The following IKZF3 variants were observed in gnomAD, a reference collection of about 807,000 sequenced individuals.
The protein encoded by IKZF3 is zinc finger protein Aiolos.
A neutral mutation model predicts 49.0 loss-of-function variants in IKZF3; 10 were observed. The observed-to-expected ratio is 0.20, with a 90% CI of 0.13 to 0.35. IKZF3 has a LOEUF of 0.35. Ranked by LOEUF, IKZF3 falls within the 10% of genes least tolerant of loss-of-function variation. The pLI is 1.00. For missense variants in IKZF3, 498 were observed against 664.8 expected, an observed-to-expected ratio of 0.75 and a Z score of 2.76; for synonymous variants, 209 against 228.2, an observed-to-expected ratio of 0.92 and a Z score of 0.76.
intron 7 of IKZF3, among the ~76,000 whole-genome samples, chr17:39,774,380 G>C (rs150905994): frequency 9.2e-4 from 140 of 152,186 alleles, no homozygotes; most frequent in Middle Eastern, 6.8e-3. Flanking sequence ...GAAGGGAGGA[G>C]AGGAGGGAAG....
chr17:39,811,255 AGGGAG>A (rs2144099454), intron 3 of IKZF3, among the ~76,000 whole-genome samples: 5 of 133,062 alleles, frequency 3.8e-5, no homozygotes, highest in African/African-American at 1.3e-4. Flanking sequence ...AAAGAAAGAG[AGGGAG>A]AGAAAGAAAA....
chr17:39,806,944 T>A (rs539242602), intron 3 of IKZF3, among the ~76,000 whole-genome samples: 10 of 152,190 alleles, frequency 6.6e-5, no homozygotes, highest in Non-Finnish European at 1.2e-4. Flanking sequence ...CAACCTCCAG[T>A]GAAGAAACGA....
intron 1 of IKZF3, 151 bp downstream of exon 1, chr17:39,863,969 A>T: frequency 1.9e-6 from 2 of 1,026,080 alleles, no homozygotes; most frequent in Non-Finnish European, 1.5e-6. Context: ...AAGAGAACCG[A>T]CGCGCTTTGT....
Position 39,829,472 on chromosome 17 carries a change from C to A in IKZF3, c.78G>T (p.Leu26Phe). ...GAGATTTGGTTAAACTGTAGTCATT[C>A]AAAACCGCTGCACTTTCTAAAAGAT... is the stretch of plus-strand genomic sequence containing the variant. The part of the protein sequence containing the change: ...QSVPAESAAV[L>F]NDYSLTKSHE... Residue 26 changes from leucine (L) to phenylalanine (F), a missense_variant, in exon 3 of 8, where the codon TTG (leucine) becomes TTT (phenylalanine). Coordinates refer to ENST00000346872, the MANE Select transcript of IKZF3 (RefSeq NM_012481.5). The A allele has an allele frequency of 6.2e-7, 1 of 1,613,182 alleles. No individual in the cohort carries two copies. The highest frequency in any genetic ancestry group is 1.1e-5 in the South Asian group (1 of 91,046).
At chr17:39,810,208 G>A (rs1002802267) in intron 3 of IKZF3, among the ~76,000 whole-genome samples, 4 of 152,060 alleles carry the variant, frequency 2.6e-5, no homozygotes, top group African/African-American at 9.7e-5. Flanking sequence ...ATAGTGGTTG[G>A]CATTTTTCAA....
chr17:39,837,402 A>AC (rs1414884970), intron 1 of IKZF3, among the ~76,000 whole-genome samples: 3 of 150,920 alleles, frequency 2.0e-5, no homozygotes, highest in Non-Finnish European at 4.4e-5. Context: ...GGATATTTTT[A>AC]CTAGATATAG....
intron 1 of IKZF3, chr17:39,835,535 C>T (rs1200693326): frequency 2.3e-6 from 1 of 433,090 alleles, no homozygotes; most frequent in Non-Finnish European, 4.5e-6. Flanking sequence ...CAGGCAGGGT[C>T]TGCAGCTCCT....
chr17:39,790,285 C>A (rs2060984391), intron 5 of IKZF3, among the ~76,000 whole-genome samples: 1 of 152,190 alleles, frequency 6.6e-6, no homozygotes. Flanking sequence ...TCTCTGGAAT[C>A]TGTCTTTAAA....
At chr17:39,838,317 TTC>T (rs1371919749) in intron 1 of IKZF3, among the ~76,000 whole-genome samples, 7 of 152,214 alleles carry the variant, frequency 4.6e-5, no homozygotes, top group Admixed American at 3.9e-4. Context: ...CAATGCTTTT[TTC>T]TCTGATATTC....
intron 1 of IKZF3, among the ~76,000 whole-genome samples, chr17:39,850,830 A>C (rs1209829045): frequency 4.6e-4 from 40 of 86,874 alleles, no homozygotes; most frequent in South Asian, 2.4e-3. Context: ...ATAATATGCT[A>C]TATAGTATAT....
intron 3 of IKZF3, among the ~76,000 whole-genome samples, chr17:39,816,671 G>A (rs567351745): frequency 6.6e-6 from 1 of 152,306 alleles, no homozygotes; most frequent in Admixed American, 6.5e-5. Context: ...CAATGTCTGT[G>A]GGATCACAAG....
In IKZF3 at chr17:39,788,324, T is replaced by C. The variant is rs1184930516; in HGVS notation, c.643A>G (p.Ser215Gly). The C allele has an allele frequency of 6.2e-7, 1 of 1,613,918 alleles. No individual in the cohort carries two copies. Among genetic ancestry groups the C allele is most frequent in the Non-Finnish European group, 8.5e-7 (1 of 1,179,878 alleles). ...CGCTCCTTGTGCTCCTCAAGGGAAC[T>C]TCTCTGCTTGTAACTCCTTCCACAA... is the stretch of plus-strand genomic sequence containing the variant. ...EFCGRSYKQRSSLEEHKERCR... is the reference protein window; with the variant it reads ...EFCGRSYKQRGSLEEHKERCR... Residue 215 changes from serine to glycine, a missense_variant, in exon 6 of 8, where the codon AGT (serine) becomes GGT (glycine). This residue lies in a region of IKZF3 where 84 missense variants were observed against 168.6 expected (regional missense o/e 0.50). Transcript: ENST00000346872.
At chr17:39,833,298 A>C (rs2062168792) in intron 1 of IKZF3, among the ~76,000 whole-genome samples, 1 of 152,180 alleles carries the variant, frequency 6.6e-6, no homozygotes, top group African/African-American at 2.4e-5. Context: ...ATGGATCTTA[A>C]GTGTACCATT....
Position 39,759,309 on chromosome 17 carries a change from G to A in IKZF3, c.*6481C>T, listed in dbSNP as rs1365667298. 2 of 152,054 alleles carry A rather than the reference G, an allele frequency of 1.3e-5. No homozygotes were observed. The highest frequency in any genetic ancestry group is 2.1e-4 in the South Asian group (1 of 4,822). 9.4% of individuals were successfully genotyped at this position (152,054 alleles called of 1,614,324 possible). A position where few individuals can be genotyped will look rare whatever the true frequency, so the allele number is the denominator to read the frequency against. ...CCCACGCCTGTAGTCTCAGCTAGTT[G>A]GGAGGCTAAGACGGGAGGATGGCTC... On this transcript the variant is annotated 3_prime_UTR_variant, in exon 8 of 8. Coordinates refer to ENST00000346872, the MANE Select transcript of IKZF3 (RefSeq NM_012481.5).
intron 1 of IKZF3, among the ~76,000 whole-genome samples, chr17:39,851,776 G>A (rs12953265): frequency 0.027 from 4,063 of 152,142 alleles, 190 homozygotes; most frequent in African/African-American, 0.093. Flanking sequence ...CAAAAGATAT[G>A]TGCACTTTAA....
chr17:39,853,105 T>C lies in IKZF3; in HGVS notation c.7+11015A>G, dbSNP rs375430582. 1.1e-4 allele frequency among the ~76,000 whole-genome samples: 16 copies of C among 152,336 alleles called. No individual in the cohort carries two copies. In the East Asian group the frequency reaches 3.1e-3, roughly 29 times the overall value. On this transcript the variant is annotated intron_variant, in intron 1 of 7. Coordinates refer to ENST00000346872, the MANE Select transcript of IKZF3 (RefSeq NM_012481.5). The stretch of plus-strand genomic sequence containing the variant: ...ATTACTCTCCAAATTAGCATTCTTT[T>C]TATTTCCTTCATAGCACTTAGCATA...
chr17:39,834,263 A>T (rs2062198485), intron 1 of IKZF3, among the ~76,000 whole-genome samples: 1 of 152,160 alleles, frequency 6.6e-6, no homozygotes, highest in Admixed American at 6.6e-5. Context: ...ACACAGTGAA[A>T]CTAGAACTTG....
At chr17:39,833,213 CATG>C (rs957226899) in intron 1 of IKZF3, among the ~76,000 whole-genome samples, 38 of 152,276 alleles carry the variant, frequency 2.5e-4, no homozygotes, top group African/African-American at 9.1e-4. Context: ...AACATTTCAG[CATG>C]ATTATTATTA....
At chr17:39,771,113 A>G (rs1428606192) in intron 7 of IKZF3, among the ~76,000 whole-genome samples, 3 of 152,196 alleles carry the variant, frequency 2.0e-5, no homozygotes, top group Non-Finnish European at 4.4e-5. Context: ...CACATATCCC[A>G]GTATATGTTT....
Sources: allele counts gnomAD v4.1 joint callset (sites outside exome capture counted in the v4.1 genomes callset), GRCh38; gene constraint gnomAD v4.1.1; regional missense constraint gnomAD v4.1.1; transcripts MANE v1.5; gene names NCBI Gene and HGNC (gene_info 2026-07-23, HGNC 2026-07-21).